The following PHYHD1 variants were observed in gnomAD, a reference collection of about 807,000 sequenced individuals.
The protein encoded by PHYHD1 is phytanoyl-CoA dioxygenase domain-containing protein 1.
PHYHD1 carries 42 observed loss-of-function variants against 43.6 expected under a neutral mutation model. The ratio of observed to expected loss-of-function variants is 0.96; its 90% CI spans 0.75 to 1.25. PHYHD1 has a LOEUF of 1.25. Among genes scored for constraint, PHYHD1 ranks in the 50% most tolerant of loss-of-function variants. The pLI is 0.00. For synonymous variants in PHYHD1, 139 were observed against 143.6 expected (o/e 0.97, Z 0.23); for missense variants, 342 against 370.8 (o/e 0.92, Z 0.64).
chr9:128,924,702 A>G (rs562152445), intron 3 of PHYHD1, among the ~76,000 whole-genome samples: 1 of 152,116 alleles, frequency 6.6e-6, no homozygotes, highest in Non-Finnish European at 1.5e-5. Flanking sequence ...TGGGAGTCCG[A>G]AGTGAGTGGA....
At chr9:128,937,693 C>A in intron 8 of PHYHD1, 64 bp from the exon 9 acceptor site, 1 of 1,600,820 alleles carries the variant, frequency 6.2e-7, no homozygotes. Context: ...TCCTGGGAGT[C>A]TCAGCAAGCC....
intron 3 of PHYHD1, 142 bp downstream of exon 3, chr9:128,922,498 C>A: frequency 4.0e-6 from 4 of 997,692 alleles, no homozygotes; most frequent in Admixed American, 2.7e-5. Context: ...TTCCCAACCG[C>A]AACCCCTCCT....
chr9:128,933,802 G>A lies in PHYHD1; in HGVS notation c.213G>A (p.Leu71=). ...LRAQGSTDYF[L]SSGDKIRFFF... is the part of the protein sequence containing the mutation. ...CACAGGGCAGCACAGACTATTTCTT[G>A]AGCAGTGGTGACAAGATTCGATTCT... Residue 71 remains leucine, a synonymous_variant, in exon 5 of 13, where the codon TTG becomes TTA. Coordinates refer to ENST00000372592, the MANE Select transcript of PHYHD1 (RefSeq NM_001100876.2). The A allele has an allele frequency of 6.2e-7, 1 of 1,614,138 alleles. No homozygotes were observed. The highest frequency in any genetic ancestry group is 1.1e-5 in the South Asian group (1 of 91,078).
In PHYHD1 at chr9:128,939,592, AT is replaced by A. The variant is rs199931265; in HGVS notation, c.458-776del. Among the ~76,000 whole-genome samples, 29 of 120,032 alleles carry A rather than the reference AT, an allele frequency of 2.4e-4. 2 individuals carry two copies. The highest frequency in any genetic ancestry group is 6.4e-4 in the African/African-American group (23 of 35,898). The allele number at this position is 120,032 out of a possible 152,430, so 78.7% of individuals were successfully genotyped here. On this transcript the variant is annotated intron_variant, in intron 9 of 12. Coordinates refer to ENST00000372592, the MANE Select transcript of PHYHD1 (RefSeq NM_001100876.2). ...AGACTCCGTCTCAAAAAAAAAAAAA[AT>A]AATAATAATAATAAAGAAATGTGGA...
At chr9:128,934,554 A>G (rs1841378504) in intron 6 of PHYHD1, among the ~76,000 whole-genome samples, 1 of 152,102 alleles carries the variant, frequency 6.6e-6, no homozygotes, top group Non-Finnish European at 1.5e-5. Flanking sequence ...GGATCACCTG[A>G]GGTCGGGAGT....
At chr9:128,927,306 C>A in intron 4 of PHYHD1, 110 bp downstream of exon 4, 1 of 1,375,860 alleles carries the variant, frequency 7.3e-7, no homozygotes, top group Non-Finnish European at 1.0e-6. Context: ...GGGTGTCAGG[C>A]CAAGCCCCTT....
chr9:128,923,217 T>C (rs1841048031), intron 3 of PHYHD1, among the ~76,000 whole-genome samples: 1 of 152,110 alleles, frequency 6.6e-6, no homozygotes. Flanking sequence ...GTGCTGGGAT[T>C]ACAGGCGTGA....
chr9:128,937,643 G>T (rs1841458252), intron 8 of PHYHD1, 114 bp from the exon 9 acceptor site: 2 of 1,234,044 alleles, frequency 1.6e-6, no homozygotes, highest in Middle Eastern at 2.2e-4. Flanking sequence ...TGTTGATGTG[G>T]AATCCTGAGA....
Position 128,921,455 on chromosome 9 carries a change from C to A in PHYHD1, c.-373C>A, listed in dbSNP as rs375471352. Reference sequence around the variant, plus strand: ...CTGGGACTACAGGTGCCCGCCACCACGCCCGGCTAATTTTTTGTATTTTTA... The same window carrying A: ...CTGGGACTACAGGTGCCCGCCACCAAGCCCGGCTAATTTTTTGTATTTTTA... On this transcript the variant is annotated 5_prime_UTR_variant, in exon 1 of 13. Transcript: ENST00000372592. 5.7e-4 allele frequency: 87 copies of A among 152,400 alleles called. 1 individual carries two copies. Among genetic ancestry groups the A allele is most frequent in the African/African-American group, 2.0e-3 (83 of 41,572 alleles). 9.4% of individuals were successfully genotyped at this position (152,400 alleles called of 1,614,324 possible).
intron 4 of PHYHD1, among the ~76,000 whole-genome samples, chr9:128,932,990 G>A (rs1220404390): frequency 2.7e-5 from 4 of 150,854 alleles, no homozygotes; most frequent in African/African-American, 4.9e-5. Flanking sequence ...TGGGACTACA[G>A]GTGCCTGCCA....
chr9:128,929,430 T>C (rs552581101), intron 4 of PHYHD1, among the ~76,000 whole-genome samples: 2 of 152,252 alleles, frequency 1.3e-5, no homozygotes, highest in South Asian at 4.1e-4. Context: ...CCCAGCACTT[T>C]GGGAGGCTGA....
At chr9:128,928,941 T>C (rs1431192097) in intron 4 of PHYHD1, among the ~76,000 whole-genome samples, 1 of 152,186 alleles carries the variant, frequency 6.6e-6, no homozygotes, top group African/African-American at 2.4e-5. Context: ...ATAATGCACA[T>C]GATACTTGTC....
chr9:128,941,401 G>T (rs1841555834), intron 11 of PHYHD1, 44 bp from the exon 12 acceptor site: 2 of 1,604,668 alleles, frequency 1.2e-6, no homozygotes, highest in South Asian at 1.1e-5. Context: ...GGGGAGGGGG[G>T]ATGTGGGGCT....
rs1221890069 is a variant in PHYHD1, at chr9:128,921,095, TTC to T, written c.-727_-726del. ...GAAGGGTGGTGGTGTGCAAGTGTTA[TTC>T]TCTCTTTTTGTTTTTGTTTTTGTTT... is the stretch of plus-strand genomic sequence containing the variant. On this transcript the variant is annotated 5_prime_UTR_variant, in exon 1 of 13. Transcript: ENST00000372592. 3.3e-5 allele frequency: 5 copies of T among 152,202 alleles called. No homozygotes were observed. Among genetic ancestry groups the T allele is most frequent in the East Asian group, 3.9e-4 (2 of 5,176 alleles). 9.4% of individuals were successfully genotyped at this position (152,202 alleles called of 1,614,324 possible). A position where few individuals can be genotyped will look rare whatever the true frequency, so the allele number is the denominator to read the frequency against.
chr9:128,936,240 G>A (rs1841419613), intron 6 of PHYHD1, among the ~76,000 whole-genome samples: 1 of 151,994 alleles, frequency 6.6e-6, no homozygotes, highest in South Asian at 2.1e-4. Flanking sequence ...TTCCCAGAAG[G>A]TCAAGAATAA....
chr9:128,932,638 A>C (rs1841320133), intron 4 of PHYHD1, among the ~76,000 whole-genome samples: 1 of 65,686 alleles, frequency 1.5e-5, no homozygotes, highest in African/African-American at 6.0e-5. Flanking sequence ...AAGTGCTGGG[A>C]TTACAGGTGT....
At position 128,941,495 on chromosome 9, in the gene PHYHD1, C is replaced by A; in HGVS notation, c.754C>A (p.Leu252Ile). The change falls in exon 12 of 13, where the codon CTC (leucine) becomes ATC (isoleucine). Residue 252 changes from leucine (L) to isoleucine (I), a missense_variant. By Grantham distance (5) the Leu-to-Ile change is conservative. Coordinates refer to ENST00000372592, the MANE Select transcript of PHYHD1 (RefSeq NM_001100876.2). ...GEVVHKSKQNLSDRSRQAYTF... is the reference protein window; with the variant it reads ...GEVVHKSKQNISDRSRQAYTF... ...AGTGGTACACAAGAGCAAGCAGAACCTCTCTGACCGCTCGCGCCAGGCCTA... is the reference window on the plus strand; with the variant it reads ...AGTGGTACACAAGAGCAAGCAGAACATCTCTGACCGCTCGCGCCAGGCCTA... 2 of 1,614,032 alleles carry A rather than the reference C, an allele frequency of 1.2e-6. No individual in the cohort carries two copies. Among genetic ancestry groups the A allele is most frequent in the South Asian group, 1.1e-5 (1 of 91,080 alleles).
chr9:128,934,535 A>G (rs1226337324), intron 6 of PHYHD1, among the ~76,000 whole-genome samples: 2 of 152,042 alleles, frequency 1.3e-5, no homozygotes, highest in Non-Finnish European at 2.9e-5. Context: ...TTGGGAGGCC[A>G]AGGTGGGTGG....
intron 10 of PHYHD1, 23 bp downstream of exon 10, chr9:128,940,520 C>T: frequency 6.2e-7 from 1 of 1,614,074 alleles, no homozygotes; most frequent in Non-Finnish European, 8.5e-7. Context: ...GTCTCTTCTG[C>T]CCACTTGGGA....
Sources: allele counts gnomAD v4.1 joint callset (sites outside exome capture counted in the v4.1 genomes callset), GRCh38; gene constraint gnomAD v4.1.1; transcripts MANE v1.5; gene names NCBI Gene and HGNC (gene_info 2026-07-23, HGNC 2026-07-21).